PCDHGB6: variants seen among roughly 807,000 people sequenced by gnomAD.
PCDHGB6 encodes the protein protocadherin gamma subfamily B, 6.
A neutral mutation model predicts 59.1 loss-of-function variants in PCDHGB6; 51 were observed. The observed-to-expected ratio is 0.86, with a 90% CI of 0.69 to 1.09. PCDHGB6 has a LOEUF of 1.09. Ranked by LOEUF, PCDHGB6 falls within the 50% of genes least tolerant of loss-of-function variation. The pLI is 0.00. For missense variants in PCDHGB6, 1,148 were observed against 1,205.1 expected (o/e 0.95, Z 0.70); for synonymous variants, 466 against 495.1 (o/e 0.94, Z 0.78).
chr5:141,419,007 GGT>G (rs1181124538), intron 1 of PCDHGB6: 1 of 1,613,978 alleles, frequency 6.2e-7, no homozygotes, highest in South Asian at 1.1e-5. Flanking sequence ...GGGGAAGTCA[GGT>G]GTAGCTTAAG....
intron 1 of PCDHGB6, chr5:141,418,636 C>G (rs564881404): frequency 6.2e-7 from 1 of 1,613,980 alleles, no homozygotes; most frequent in South Asian, 1.1e-5. Context: ...CTCCAGGCAC[C>G]TCCATCCTGA....
intron 1 of PCDHGB6, chr5:141,421,725 C>T: frequency 6.2e-7 from 1 of 1,613,960 alleles, no homozygotes; most frequent in Non-Finnish European, 8.5e-7. Context: ...TGGGCGTGAA[C>T]TCCCTCCAGA....
intron 1 of PCDHGB6, chr5:141,478,171 G>A (rs141465380): frequency 7.3e-5 from 118 of 1,613,942 alleles, no homozygotes; most frequent in African/African-American, 1.5e-4. Flanking sequence ...CCCCCCGGGA[G>A]CAGAAAAAAA....
At chr5:141,494,926 G>C in intron 2 of PCDHGB6, 61 bp downstream of exon 2, 2 of 1,613,498 alleles carry the variant, frequency 1.2e-6, no homozygotes, top group Non-Finnish European at 1.7e-6. Context: ...GGATGACGTG[G>C]GAGGAGATGG....
intron 1 of PCDHGB6, among the ~76,000 whole-genome samples, chr5:141,466,916 GT>G (rs1204028461): frequency 6.6e-6 from 1 of 152,010 alleles, no homozygotes; most frequent in Non-Finnish European, 1.5e-5. Context: ...AAAACTCCTT[GT>G]ATTAGGAATA....
intron 2 of PCDHGB6, among the ~76,000 whole-genome samples, chr5:141,500,189 TTTATTTA>T (rs1562193869): frequency 4.5e-5 from 5 of 110,894 alleles, no homozygotes; most frequent in African/African-American, 1.8e-4. Context: ...TTTATTTTTA[TTTATTTA>T]TTTATTTATT....
In PCDHGB6 at chr5:141,491,925, G is replaced by A. The variant is rs1019181943; in HGVS notation, c.2419-2882G>A. 5 of 1,325,176 alleles carry A rather than the reference G, an allele frequency of 3.8e-6. No homozygotes were observed. In the Admixed American group the frequency reaches 1.5e-4, roughly 39 times the overall value. 82.1% of individuals were successfully genotyped at this position (1,325,176 alleles called of 1,614,324 possible). A position where few individuals can be genotyped will look rare whatever the true frequency, so the allele number is the denominator to read the frequency against. On this transcript the variant is annotated intron_variant, in intron 1 of 3. Coordinates refer to ENST00000520790, the MANE Select transcript of PCDHGB6 (RefSeq NM_018926.3). The surrounding 1 kb of genome is among the most constrained non-coding windows in gnomAD (Gnocchi z 6.9). ...GGGTGGTGGCGACTGTGGGCGAGGG[G>A]AGGTGGGACCGACCCCCACCCCTAC...
Position 141,486,683 on chromosome 5 carries a change from G to C in PCDHGB6, c.2419-8124G>C, listed in dbSNP as rs1207359772. 6.2e-7 allele frequency: 1 copy of C among 1,613,974 alleles called. No individual in the cohort carries two copies. ...GGAGCCCAGGAATCGAGATGTATCA[G>C]CTTCCTCTTTCATCTCTCTGAACCC... On this transcript the variant is annotated intron_variant, in intron 1 of 3. Coordinates refer to ENST00000520790, the MANE Select transcript of PCDHGB6 (RefSeq NM_018926.3). This position sits in a 1 kb window ranked among gnomAD's most constrained non-coding sequence, Gnocchi z 5.0.
chr5:141,485,632 G>T lies in PCDHGB6; in HGVS notation c.2419-9175G>T. The T allele has an allele frequency of 6.2e-7, 1 of 1,611,766 alleles. No homozygotes were observed. Among genetic ancestry groups the T allele is most frequent in the Non-Finnish European group, 8.5e-7 (1 of 1,178,342 alleles). The stretch of plus-strand genomic sequence containing the variant: ...CAGCTCCTCCAGGACAGCGTTTCCC[G>T]TTGGAAAAGGCTCAGGATGCAGATG... On this transcript the variant is annotated intron_variant, in intron 1 of 3. Coordinates refer to ENST00000520790, the MANE Select transcript of PCDHGB6 (RefSeq NM_018926.3). This position sits in a 1 kb window ranked among gnomAD's most constrained non-coding sequence, Gnocchi z 5.7.
chr5:141,446,771 A>G (rs1008985621), intron 1 of PCDHGB6, among the ~76,000 whole-genome samples: 3 of 152,158 alleles, frequency 2.0e-5, no homozygotes, highest in Admixed American at 2.0e-4. Flanking sequence ...CCAGCCGGTT[A>G]CCATTCTTTT....
intron 1 of PCDHGB6, among the ~76,000 whole-genome samples, chr5:141,466,704 T>C (rs1175063183): frequency 6.6e-6 from 1 of 152,202 alleles, no homozygotes; most frequent in Admixed American, 6.5e-5. Context: ...AAATTTGATG[T>C]CTGTTCTTGT....
intron 1 of PCDHGB6, chr5:141,414,145 C>T (rs1157390595): frequency 6.3e-7 from 1 of 1,597,566 alleles, no homozygotes; most frequent in Non-Finnish European, 8.5e-7. Context: ...AATAGAAATA[C>T]AAGCAGAAGA....
chr5:141,420,080 C>T (rs754438863), intron 1 of PCDHGB6: 2 of 1,614,010 alleles, frequency 1.2e-6, no homozygotes, highest in Non-Finnish European at 1.7e-6. Context: ...TGTGGGTCCC[C>T]CCAACTACAG....
intron 1 of PCDHGB6, chr5:141,410,847 GTCT>G: frequency 6.3e-6 from 1 of 158,248 alleles, no homozygotes. Context: ...TTTTGTCTTT[GTCT>G]TTTTTTTTTT....
chr5:141,412,906 TG>T (rs2095588206), intron 1 of PCDHGB6: 2 of 384,208 alleles, frequency 5.2e-6, no homozygotes, highest in Admixed American at 8.2e-5. Context: ...TTCCATTGCA[TG>T]TATCACTTGG....
chr5:141,428,181 A>G, intron 1 of PCDHGB6: 2 of 1,486,230 alleles, frequency 1.3e-6, no homozygotes, highest in Non-Finnish European at 1.8e-6. Flanking sequence ...GACGGAGGAC[A>G]GCCGCCGCTC....
Position 141,410,134 on chromosome 5 carries a change from C to G in PCDHGB6, c.1932C>G (p.Val644=), listed in dbSNP as rs573769764. Residue 644 remains valine, a synonymous_variant, in exon 1 of 4, where the codon GTC becomes GTG. Coordinates refer to ENST00000520790, the MANE Select transcript of PCDHGB6 (RefSeq NM_018926.3). ...DRDAARQRLL[V]AVRDGGQPPL... Reference sequence around the variant, plus strand: ...ACGCAGCCCGCCAGCGCCTGCTGGTCGCTGTGCGTGACGGTGGACAGCCGC... The same window carrying G: ...ACGCAGCCCGCCAGCGCCTGCTGGTGGCTGTGCGTGACGGTGGACAGCCGC... The G allele has an allele frequency of 6.2e-7, 1 of 1,612,766 alleles. No homozygotes were observed. The highest frequency in any genetic ancestry group is 1.7e-5 in the Admixed American group (1 of 59,956).
At chr5:141,470,034 C>T (rs1209263598) in intron 1 of PCDHGB6, among the ~76,000 whole-genome samples, 2 of 152,086 alleles carry the variant, frequency 1.3e-5, no homozygotes, top group Non-Finnish European at 2.9e-5. Flanking sequence ...GATGCTGAGG[C>T]GCGAGAACTG....
rs1004061582 is a variant in PCDHGB6, at chr5:141,477,406, A to C, written c.2419-17401A>C. ...AATACAACCTCAGCATCACCGCCCG[A>C]GACGCCGGAACCCCTTCCCTCTCAG... On this transcript the variant is annotated intron_variant, in intron 1 of 3. Transcript: ENST00000520790. The surrounding 1 kb of genome is among the most constrained non-coding windows in gnomAD (Gnocchi z 4.9). 6.2e-7 allele frequency: 1 copy of C among 1,614,036 alleles called. No homozygotes were observed. Among genetic ancestry groups the C allele is most frequent in the Admixed American group, 1.7e-5 (1 of 59,994 alleles).
Sources: gnomAD v4.1 joint callset for allele counts (sites outside exome capture counted in the v4.1 genomes callset) on GRCh38, gnomAD v4.1.1 for gene constraint, Gnocchi (gnomAD v3.1) non-coding constraint, MANE v1.5 for transcripts, NCBI Gene and HGNC (gene_info 2026-07-23, HGNC 2026-07-21) for gene names.